The following ADAMTSL1 variants were observed in gnomAD, a reference collection of about 807,000 sequenced individuals.
The protein encoded by ADAMTSL1 is ADAMTS-like protein 1.
A neutral mutation model predicts 201.8 loss-of-function variants in ADAMTSL1; 126 were observed. That is an observed-to-expected ratio of 0.62 (90% CI 0.54 to 0.72). The LOEUF (loss-of-function observed/expected upper bound fraction) is 0.72. Among genes scored for constraint, ADAMTSL1 ranks in the 30% least tolerant of loss-of-function variants. The pLI, the probability that ADAMTSL1 is intolerant of heterozygous loss-of-function variation, is 0.00. For missense variants in ADAMTSL1, 2,679 were observed against 2,277.8 expected (o/e 1.18, Z -3.59); for synonymous variants, 1,121 against 903.4 (o/e 1.24, Z -4.32).
chr9:18,639,380 C>A lies in ADAMTSL1; in HGVS notation c.803C>A (p.Ala268Asp), dbSNP rs1335925216. 3 of 1,612,854 alleles carry A rather than the reference C, an allele frequency of 1.9e-6. No individual in the cohort carries two copies. The highest frequency in any genetic ancestry group is 2.5e-6 in the Non-Finnish European group (3 of 1,179,154). Residue 268 changes from alanine to aspartate, a missense_variant, in exon 7 of 29, where the codon GCT becomes GAT. Physicochemically the swap from Ala to Asp is moderately radical, Grantham distance 126. Transcript: ENST00000380548. ...KFPDKEILRMAGPLTADFIVK... is the reference protein window; with the variant it reads ...KFPDKEILRMDGPLTADFIVK... Reference sequence around the variant, plus strand: ...CCAGACAAAGAGATACTGAGAATGGCTGGACCACTCACAGCAGATTTCATT... The same window carrying A: ...CCAGACAAAGAGATACTGAGAATGGATGGACCACTCACAGCAGATTTCATT...
At chr9:18,753,548 C>G in intron 16 of ADAMTSL1, 40 bp downstream of exon 16, 3 of 1,572,402 alleles carry the variant, frequency 1.9e-6, no homozygotes, top group Non-Finnish European at 2.6e-6. Flanking sequence ...CTTTTGTTTG[C>G]AACAGTGACT....
chr9:18,133,539 G>A (rs1003557776), intron 1 of ADAMTSL1, among the ~76,000 whole-genome samples: 1 of 152,116 alleles, frequency 6.6e-6, no homozygotes, highest in South Asian at 2.1e-4. Context: ...TTTAGAACAC[G>A]TTAAATCAGT....
intron 2 of ADAMTSL1, among the ~76,000 whole-genome samples, chr9:18,310,986 A>G (rs533862526): frequency 3.3e-5 from 5 of 152,278 alleles, no homozygotes; most frequent in Admixed American, 6.5e-5. Context: ...TGGATTAAGA[A>G]AATGTGGCAC....
intron 2 of ADAMTSL1, among the ~76,000 whole-genome samples, chr9:18,412,845 T>G (rs1016424981): frequency 2.0e-5 from 3 of 152,202 alleles, no homozygotes; most frequent in Non-Finnish European, 4.4e-5. Context: ...TTTCTTGCCT[T>G]TATCAGATAT....
chr9:18,827,793 G>C (rs949200841), intron 22 of ADAMTSL1, among the ~76,000 whole-genome samples: 1 of 152,156 alleles, frequency 6.6e-6, no homozygotes, highest in Non-Finnish European at 1.5e-5. Flanking sequence ...AGTGAACACG[G>C]TGTTCGAAGA....
At chr9:18,808,778 G>C (rs1823318117) in intron 20 of ADAMTSL1, among the ~76,000 whole-genome samples, 1 of 152,166 alleles carries the variant, frequency 6.6e-6, no homozygotes. Context: ...ACAAAGATTT[G>C]GGACTACCTA....
intron 2 of ADAMTSL1, among the ~76,000 whole-genome samples, chr9:18,314,995 A>G (rs971495983): frequency 1.3e-5 from 2 of 149,682 alleles, no homozygotes; most frequent in Non-Finnish European, 3.0e-5. Flanking sequence ...ACGGGGTTTC[A>G]CCGTGTTAGC....
intron 20 of ADAMTSL1, among the ~76,000 whole-genome samples, chr9:18,799,710 G>C (rs1240598250): frequency 6.6e-6 from 1 of 152,098 alleles, no homozygotes; most frequent in African/African-American, 2.4e-5. Flanking sequence ...TTCACAGGAA[G>C]GGAGAGACAG....
intron 1 of ADAMTSL1, among the ~76,000 whole-genome samples, chr9:17,950,345 T>G (rs2840779): frequency 0.95 from 144,343 of 152,094 alleles, 68,753 homozygotes; most frequent in East Asian, 1. Context: ...AAATTACATT[T>G]TGTTACATAT....
intron 9 of ADAMTSL1, among the ~76,000 whole-genome samples, chr9:18,671,709 C>G (rs375752891): frequency 6.6e-6 from 1 of 152,092 alleles, no homozygotes; most frequent in Non-Finnish European, 1.5e-5. Context: ...CTGAGAGAAA[C>G]CCTTGAAACC....
chr9:18,227,177 T>C (rs1830460312), intron 2 of ADAMTSL1, among the ~76,000 whole-genome samples: 1 of 152,164 alleles, frequency 6.6e-6, no homozygotes, highest in African/African-American at 2.4e-5. Context: ...TCAATTCTCC[T>C]CTAATCCCTC....
chr9:17,932,650 T>A (rs1826842616), intron 1 of ADAMTSL1, among the ~76,000 whole-genome samples: 1 of 152,174 alleles, frequency 6.6e-6, no homozygotes, highest in Non-Finnish European at 1.5e-5. Context: ...TTTATCTCAT[T>A]CATTTCTAAA....
chr9:18,638,665 A>G (rs62549386), intron 6 of ADAMTSL1, among the ~76,000 whole-genome samples: 39,543 of 152,074 alleles, frequency 0.26, 5,232 homozygotes, highest in Non-Finnish European at 0.28. Context: ...ATAAAGCTGA[A>G]CTAAGTATCA....
chr9:18,665,931 G>C (rs1446563505), intron 9 of ADAMTSL1, among the ~76,000 whole-genome samples: 1 of 152,118 alleles, frequency 6.6e-6, no homozygotes, highest in African/African-American at 2.4e-5. Context: ...AATGCCCGCA[G>C]ATAACCTCTG....
At chr9:18,228,957 C>T (rs1328230216) in intron 2 of ADAMTSL1, among the ~76,000 whole-genome samples, 8 of 151,364 alleles carry the variant, frequency 5.3e-5, no homozygotes, top group African/African-American at 1.5e-4. Context: ...CTTCCTCTCT[C>T]GCTGTTTCCT....
chr9:18,467,157 T>C (rs768501102), intron 2 of ADAMTSL1, among the ~76,000 whole-genome samples: 1 of 152,170 alleles, frequency 6.6e-6, no homozygotes, highest in Non-Finnish European at 1.5e-5. Context: ...ATTTACAATC[T>C]AGTTGAAGAA....
At chr9:18,796,979 C>T (rs1484475015) in intron 20 of ADAMTSL1, among the ~76,000 whole-genome samples, 2 of 152,138 alleles carry the variant, frequency 1.3e-5, no homozygotes, top group Non-Finnish European at 2.9e-5. Flanking sequence ...GACTAAATGC[C>T]CTTTGTTCAC....
At chr9:18,726,482 G>A (rs772028219) in intron 15 of ADAMTSL1, among the ~76,000 whole-genome samples, 2 of 151,334 alleles carry the variant, frequency 1.3e-5, no homozygotes, top group Admixed American at 6.6e-5. Flanking sequence ...CTACACTATT[G>A]CCTGGGTAAC....
intron 8 of ADAMTSL1, among the ~76,000 whole-genome samples, chr9:18,657,973 CTTT>C (rs33924965): frequency 1.7e-3 from 216 of 126,320 alleles, no homozygotes; most frequent in African/African-American, 3.1e-3. Flanking sequence ...AGGAAACAGT[CTTT>C]TTTTTTTTTT....
Sources: allele counts gnomAD v4.1 joint callset (sites outside exome capture counted in the v4.1 genomes callset), GRCh38; gene constraint gnomAD v4.1.1; transcripts MANE v1.5; gene names NCBI Gene and HGNC (gene_info 2026-07-23, HGNC 2026-07-21).